The following FMNL2 variants were observed in gnomAD, a reference collection of about 807,000 sequenced individuals.
FMNL2 encodes formin like 2, also known as formin-like protein 2.
Under a neutral mutation model 130.2 loss-of-function variants are expected in FMNL2, and 51 were observed. That is an observed-to-expected ratio of 0.39 (90% CI 0.31 to 0.49). FMNL2 has a LOEUF of 0.49. Ranked by LOEUF, FMNL2 falls within the 20% of genes least tolerant of loss-of-function variation. The pLI is 0.85. For synonymous variants in FMNL2, 465 were observed against 467.1 expected (o/e 1.00, Z 0.06); for missense variants, 977 against 1,316.2 (o/e 0.74, Z 3.99).
rs1302636996 is a variant in FMNL2, at chr2:152,395,906, G to A, written c.117+60186G>A. ...AGTGGTGGGGGTGGGTGGGCCAGGG[G>A]GCGGGGCGGCGGCAGGCAAAACAGT... On this transcript the variant is annotated intron_variant, in intron 1 of 25. Coordinates refer to ENST00000288670, the MANE Select transcript of FMNL2 (RefSeq NM_052905.4). Among the ~76,000 whole-genome samples the A allele has an allele frequency of 8.6e-5, 13 of 150,784 alleles. No homozygotes were observed. In the East Asian group the frequency reaches 2.4e-3, roughly 27 times the overall value.
At chr2:152,350,860 C>T (rs934816488) in intron 1 of FMNL2, among the ~76,000 whole-genome samples, 6 of 152,150 alleles carry the variant, frequency 3.9e-5, no homozygotes, top group Non-Finnish European at 8.8e-5. Flanking sequence ...ACCTGGCCAA[C>T]ACGGTGAAGC....
At chr2:152,340,463 C>T (rs779519612) in intron 1 of FMNL2, among the ~76,000 whole-genome samples, 7 of 152,204 alleles carry the variant, frequency 4.6e-5, no homozygotes, top group African/African-American at 7.2e-5. Context: ...CTTTAGATGT[C>T]AAGCCTTTTG....
intron 15 of FMNL2, among the ~76,000 whole-genome samples, chr2:152,622,936 C>T (rs1203894277): frequency 6.6e-6 from 1 of 151,870 alleles, no homozygotes; most frequent in Non-Finnish European, 1.5e-5. Flanking sequence ...TGGTCTCTGG[C>T]CCACTCCAGG....
chr2:152,605,788 G>C (rs1179701390), intron 9 of FMNL2, among the ~76,000 whole-genome samples: 1 of 152,182 alleles, frequency 6.6e-6, no homozygotes, highest in Admixed American at 6.5e-5. Context: ...TTTGAGACTA[G>C]GAGGCCCTCA....
chr2:152,428,129 A>G (rs1005963507), intron 1 of FMNL2, among the ~76,000 whole-genome samples: 2 of 152,232 alleles, frequency 1.3e-5, no homozygotes, highest in African/African-American at 4.8e-5. Flanking sequence ...GTCTCAACCC[A>G]TTCTTGCCAA....
intron 6 of FMNL2, among the ~76,000 whole-genome samples, chr2:152,564,044 A>G (rs1695675523): frequency 6.6e-6 from 1 of 152,162 alleles, no homozygotes; most frequent in African/African-American, 2.4e-5. Context: ...CTGACATGCC[A>G]TACTAGAATA....
At chr2:152,349,932 G>C (rs1682379397) in intron 1 of FMNL2, among the ~76,000 whole-genome samples, 2 of 152,206 alleles carry the variant, frequency 1.3e-5, no homozygotes, top group African/African-American at 2.4e-5. Context: ...GTGCCAGGCA[G>C]TGTTGTAGGC....
intron 1 of FMNL2, among the ~76,000 whole-genome samples, chr2:152,374,272 A>C (rs1312206359): frequency 6.6e-6 from 1 of 152,116 alleles, no homozygotes; most frequent in Non-Finnish European, 1.5e-5. Context: ...TGGGAGTGTT[A>C]TTTTCTCAAG....
At chr2:152,482,250 A>AT (rs1433123589) in intron 1 of FMNL2, among the ~76,000 whole-genome samples, 1 of 152,128 alleles carries the variant, frequency 6.6e-6, no homozygotes, top group Non-Finnish European at 1.5e-5. Flanking sequence ...GGAACTGTGT[A>AT]TTTTTTTCTA....
intron 1 of FMNL2, among the ~76,000 whole-genome samples, chr2:152,348,992 G>A (rs1333111047): frequency 2.1e-5 from 3 of 144,478 alleles, no homozygotes; most frequent in Admixed American, 1.4e-4. Flanking sequence ...CCGCCACCGC[G>A]CCCGGCTAAT....
chr2:152,409,179 A>G (rs1321742132), intron 1 of FMNL2, among the ~76,000 whole-genome samples: 2 of 152,218 alleles, frequency 1.3e-5, no homozygotes, highest in African/African-American at 4.8e-5. Flanking sequence ...CTCCAAAGAA[A>G]TAAAGACAGT....
chr2:152,516,563 CA>C (rs1185717183), intron 1 of FMNL2, among the ~76,000 whole-genome samples: 1 of 152,120 alleles, frequency 6.6e-6, no homozygotes, highest in Non-Finnish European at 1.5e-5. Context: ...ATTACAAGGA[CA>C]AAGATATATT....
chr2:152,399,071 C>G (rs778787803), intron 1 of FMNL2, among the ~76,000 whole-genome samples: 15 of 152,224 alleles, frequency 9.9e-5, no homozygotes, highest in Non-Finnish European at 1.9e-4. Context: ...GCTTCACTGG[C>G]TTTCTGAAGA....
At chr2:152,458,113 A>G (rs1415667282) in intron 1 of FMNL2, among the ~76,000 whole-genome samples, 3 of 152,172 alleles carry the variant, frequency 2.0e-5, no homozygotes, top group Non-Finnish European at 2.9e-5. Context: ...TGGGATGGGT[A>G]TATCTTTAGG....
At chr2:152,419,081 C>G (rs1686771174) in intron 1 of FMNL2, among the ~76,000 whole-genome samples, 1 of 151,030 alleles carries the variant, frequency 6.6e-6, no homozygotes, top group Non-Finnish European at 1.5e-5. Context: ...TATGTTTAAA[C>G]AGAGTGTACT....
chr2:152,338,820 TACACAC>T (rs58367779), intron 1 of FMNL2, among the ~76,000 whole-genome samples: 15 of 148,970 alleles, frequency 1.0e-4, no homozygotes, highest in South Asian at 4.3e-4. Flanking sequence ...GAAGGTGAGA[TACACAC>T]ACACACACAC....
At position 152,358,872 on chromosome 2, in the gene FMNL2, A is replaced by G. The variant is rs192941570; in HGVS notation, c.117+23152A>G. ...TTCTTAAGGTTATATATTAACACTT[A>G]GAAGTACAATTGTTGGGTCTTGGGC... On this transcript the variant is annotated intron_variant, in intron 1 of 25. Transcript: ENST00000288670. 6.8e-4 allele frequency among the ~76,000 whole-genome samples: 103 copies of G among 152,344 alleles called. 2 individuals carry two copies. Among genetic ancestry groups the G allele is most frequent in the East Asian group, 2.5e-3 (13 of 5,194 alleles).
chr2:152,343,530 A>G (rs1210287538), intron 1 of FMNL2, among the ~76,000 whole-genome samples: 1 of 151,524 alleles, frequency 6.6e-6, no homozygotes, highest in Non-Finnish European at 1.5e-5. Flanking sequence ...TCCTGACCTC[A>G]AGTGATCCAC....
chr2:152,428,204 T>A (rs1687294533), intron 1 of FMNL2, among the ~76,000 whole-genome samples: 1 of 152,240 alleles, frequency 6.6e-6, no homozygotes, highest in African/African-American at 2.4e-5. Context: ...CAAAAATGTT[T>A]TAAGTGACTT....
Sources: gnomAD v4.1 joint callset for allele counts (sites outside exome capture counted in the v4.1 genomes callset) on GRCh38, gnomAD v4.1.1 for gene constraint, MANE v1.5 for transcripts, NCBI Gene and HGNC (gene_info 2026-07-23, HGNC 2026-07-21) for gene names.